The following BPIFC variants were observed in gnomAD, a reference collection of about 807,000 sequenced individuals.
BPIFC encodes the protein BPI fold containing family C, also known as BPI fold-containing family C protein.
Under a neutral mutation model 57.6 loss-of-function variants are expected in BPIFC, and 60 were observed. The ratio of observed to expected loss-of-function variants is 1.04; its 90% CI spans 0.85 to 1.29. BPIFC has a LOEUF of 1.29. BPIFC is among the 50% of genes most tolerant of loss of function. The pLI is 0.00. For missense variants in BPIFC, 581 were observed against 600.5 expected, an observed-to-expected ratio of 0.97 and a Z score of 0.34; for synonymous variants, 243 against 224.5, an observed-to-expected ratio of 1.08 and a Z score of -0.74.
intron 13 of BPIFC, among the ~76,000 whole-genome samples, chr22:32,424,379 G>A (rs11089564): frequency 0.5 from 75,160 of 151,480 alleles, 19,763 homozygotes; most frequent in African/African-American, 0.7. Flanking sequence ...TCCTTGATGC[G>A]GTGACAAAAG....
intron 8 of BPIFC, among the ~76,000 whole-genome samples, chr22:32,438,710 A>T (rs1027824694): frequency 1.3e-5 from 2 of 152,176 alleles, no homozygotes; most frequent in African/African-American, 4.8e-5. Flanking sequence ...TTATTTTTTA[A>T]AAAGGAAATT....
rs1434589571 is a variant in BPIFC, at chr22:32,414,185, G to A, written c.*118C>T. Reference sequence around the variant, plus strand: ...GAAGGCTTAAGAAAGAAAACTTTCTGCCTAAGCAATTCACAAGGGCTTTAC... The same window carrying A: ...GAAGGCTTAAGAAAGAAAACTTTCTACCTAAGCAATTCACAAGGGCTTTAC... On this transcript the variant is annotated 3_prime_UTR_variant, in exon 17 of 17. Coordinates refer to ENST00000300399, the MANE Select transcript of BPIFC (RefSeq NM_174932.3). The A allele has an allele frequency of 3.6e-6, 5 of 1,391,720 alleles. No homozygotes were observed. Among genetic ancestry groups the A allele is most frequent in the Non-Finnish European group, 4.9e-6 (5 of 1,030,002 alleles). 86.2% of individuals were successfully genotyped at this position (1,391,720 alleles called of 1,614,324 possible).
intron 14 of BPIFC, among the ~76,000 whole-genome samples, chr22:32,417,351 A>AT (rs1215634014): frequency 6.6e-6 from 1 of 151,926 alleles, no homozygotes; most frequent in Non-Finnish European, 1.5e-5. Flanking sequence ...AAGTTAAAAA[A>AT]ATTTTTTTTA....
At chr22:32,431,590 G>C (rs1934244670) in intron 12 of BPIFC, among the ~76,000 whole-genome samples, 176 bp from the exon 13 acceptor site, 1 of 151,956 alleles carries the variant, frequency 6.6e-6, no homozygotes, top group African/African-American at 2.4e-5. Context: ...TGTAGTTAGG[G>C]AAGCTACCTG....
chr22:32,414,470 G>C, intron 16 of BPIFC, 45 bp from the exon 17 acceptor site: 1 of 1,599,036 alleles, frequency 6.3e-7, no homozygotes, highest in Non-Finnish European at 8.5e-7. Context: ...ACTTGGGCAT[G>C]TCTGGGTTTG....
intron 13 of BPIFC, among the ~76,000 whole-genome samples, chr22:32,419,610 C>G (rs548995944): frequency 6.2e-4 from 95 of 152,092 alleles, no homozygotes; most frequent in Non-Finnish European, 1.1e-3. Context: ...TTGAGACCAG[C>G]CTGGCCAACA....
chr22:32,441,273 G>A (rs1934557731), intron 8 of BPIFC, among the ~76,000 whole-genome samples: 1 of 152,206 alleles, frequency 6.6e-6, no homozygotes, highest in African/African-American at 2.4e-5. Context: ...TGGCTTTCCT[G>A]GTCACTCTAT....
At chr22:32,462,210 A>G (rs1935182220) in intron 1 of BPIFC, among the ~76,000 whole-genome samples, 1 of 151,204 alleles carries the variant, frequency 6.6e-6, no homozygotes, top group Non-Finnish European at 1.5e-5. Context: ...AAAAAAAGAA[A>G]AAAAAAAGAA....
At chr22:32,459,641 C>T (rs569796101) in intron 2 of BPIFC, among the ~76,000 whole-genome samples, 11 of 151,046 alleles carry the variant, frequency 7.3e-5, no homozygotes, top group Admixed American at 3.3e-4. Flanking sequence ...CCAGCCTGGG[C>T]GACAGAGTGA....
chr22:32,445,813 C>T (rs773095566), intron 6 of BPIFC, 28 bp downstream of exon 6: 10 of 1,612,038 alleles, frequency 6.2e-6, no homozygotes, highest in Middle Eastern at 3.3e-4. Context: ...CCTAACTAGC[C>T]ACTGCCCAAC....
chr22:32,453,826 T>C (rs1190693698), intron 3 of BPIFC, among the ~76,000 whole-genome samples: 1 of 152,158 alleles, frequency 6.6e-6, no homozygotes, highest in African/African-American at 2.4e-5. Context: ...CTCATGCCTG[T>C]AATCCCAGCA....
intron 9 of BPIFC, among the ~76,000 whole-genome samples, chr22:32,437,182 A>C (rs738261): frequency 0.32 from 48,384 of 152,090 alleles, 8,641 homozygotes; most frequent in East Asian, 0.47. Context: ...ACCTACTCCT[A>C]GGGGCAAAGA....
At chr22:32,440,433 C>A (rs1188361612) in intron 8 of BPIFC, among the ~76,000 whole-genome samples, 1 of 152,216 alleles carries the variant, frequency 6.6e-6, no homozygotes, top group East Asian at 1.9e-4. Context: ...TGAGCCACTG[C>A]GCCTGATATT....
chr22:32,425,074 G>T (rs553517144), intron 13 of BPIFC, among the ~76,000 whole-genome samples: 6 of 152,012 alleles, frequency 3.9e-5, no homozygotes, highest in Non-Finnish European at 8.8e-5. Flanking sequence ...GAGCCACCAC[G>T]CCTGGCCTTG....
In BPIFC at chr22:32,435,850, C is replaced by T. The variant is rs146292752; in HGVS notation, c.778G>A (p.Asp260Asn). 6.5e-4 allele frequency: 1,045 copies of T among 1,613,840 alleles called. 6 individuals carry two copies. The African/African-American group carries it at 0.01, about 16-fold the overall frequency. ...AAAGGAACTGGTGAGAAGGGGGGGT[C>T]GGTGAGGTTTTCCAGTGGGTAGAAT... ...GVFYPLENLT[D>N]PPFSPVPFVL... The change falls in exon 10 of 17, where the codon GAC becomes AAC. Residue 260 changes from aspartate (D) to asparagine (N), a missense_variant. Asp to Asn is a conservative substitution (Grantham distance 23, BLOSUM62 1). Transcript: ENST00000300399.
chr22:32,455,559 C>T (rs1935016399), intron 3 of BPIFC, among the ~76,000 whole-genome samples: 1 of 152,158 alleles, frequency 6.6e-6, no homozygotes, highest in Non-Finnish European at 1.5e-5. Flanking sequence ...ATCCTTGTTT[C>T]ACAAAGGAGG....
intron 3 of BPIFC, among the ~76,000 whole-genome samples, chr22:32,455,200 G>A (rs1372083304): frequency 6.6e-6 from 1 of 151,902 alleles, no homozygotes. Flanking sequence ...ACAGGCGCAT[G>A]CCACAATGCC....
At chr22:32,429,211 T>C (rs2145925030) in intron 13 of BPIFC, among the ~76,000 whole-genome samples, 1 of 146,674 alleles carries the variant, frequency 6.8e-6, no homozygotes, top group Admixed American at 6.8e-5. Flanking sequence ...TTTTTCTTTT[T>C]CTTTTTTTTT....
intron 4 of BPIFC, among the ~76,000 whole-genome samples, chr22:32,449,508 G>T (rs1188022200): frequency 6.6e-6 from 1 of 152,128 alleles, no homozygotes; most frequent in African/African-American, 2.4e-5. Flanking sequence ...GTGGGAAGAG[G>T]ATGGCAGAGA....
Sources: allele counts gnomAD v4.1 joint callset (sites outside exome capture counted in the v4.1 genomes callset), GRCh38; gene constraint gnomAD v4.1.1; transcripts MANE v1.5; gene names NCBI Gene and HGNC (gene_info 2026-07-23, HGNC 2026-07-21).